Variants in LOXHD1 observed in about 807,000 individuals in gnomAD.
The protein encoded by LOXHD1 is lipoxygenase homology domain-containing protein 1.
LOXHD1 carries 205 observed loss-of-function variants against 248.2 expected under a neutral mutation model. That is an observed-to-expected ratio of 0.83 (90% CI 0.74 to 0.93). LOXHD1 has a LOEUF of 0.93. Among genes scored for constraint, LOXHD1 ranks in the 40% least tolerant of loss-of-function variants. LOXHD1 has a pLI of 0.00. For missense variants in LOXHD1, 2,930 were observed against 2,971.6 expected (o/e 0.99, Z 0.33); for synonymous variants, 1,113 against 1,162.8 (o/e 0.96, Z 0.87).
chr18:46,488,382 C>G, intron 38 of LOXHD1, among the ~76,000 whole-genome samples: 1 of 152,178 alleles, frequency 6.6e-6, no homozygotes, highest in East Asian at 1.9e-4. Context: ...GCTAGTGCTG[C>G]CTTAATAACT....
chr18:46,577,220 TG>T (rs1275571419), intron 14 of LOXHD1, among the ~76,000 whole-genome samples: 7 of 152,068 alleles, frequency 4.6e-5, no homozygotes, highest in African/African-American at 1.7e-4. Context: ...GGAGCCCAAA[TG>T]CTTAAGCAAA....
chr18:46,506,105 C>T lies in LOXHD1; in HGVS notation c.5693-82G>A. 2.7e-6 allele frequency: 4 copies of T among 1,459,952 alleles called. No homozygotes were observed. The South Asian group carries it at 5.3e-5, about 19-fold the overall frequency. The allele number at this position is 1,459,952 out of a possible 1,614,324, so 90.4% of individuals were successfully genotyped here. Reference sequence around the variant, plus strand: ...TTGCTCTGGCCTTGATCCCGGACTCCTCAGAGGAGTCAGGGGTACAGGTGG... The same window carrying T: ...TTGCTCTGGCCTTGATCCCGGACTCTTCAGAGGAGTCAGGGGTACAGGTGG... On this transcript the variant is annotated intron_variant, in intron 36 of 40. Transcript: ENST00000642948.
chr18:46,605,319 G>A (rs573433366), intron 6 of LOXHD1, among the ~76,000 whole-genome samples: 1 of 152,238 alleles, frequency 6.6e-6, no homozygotes, highest in African/African-American at 2.4e-5. Flanking sequence ...GAGGTCAGGA[G>A]ATCAAGACCA....
chr18:46,533,258 T>A lies in LOXHD1; in HGVS notation c.4279A>T (p.Ile1427Phe), dbSNP rs17857258. Residue 1427 changes from isoleucine (I) to phenylalanine (F), a missense_variant, in exon 28 of 41, where the codon ATT becomes TTT. Transcript: ENST00000642948. ...ATGTCATATGGAACCAGTTCTCGAA[T>A]GGTCTTTTTGTCATCCTCAGAGGTG... ...LATSEDDKKT[I>F]RELVPYDIFT... is the part of the protein sequence containing the mutation. 1 of 1,551,792 alleles carries A rather than the reference T, an allele frequency of 6.4e-7. No individual in the cohort carries two copies. The highest frequency in any genetic ancestry group is 2.4e-5 in the East Asian group (1 of 40,918).
intron 26 of LOXHD1, among the ~76,000 whole-genome samples, chr18:46,535,886 A>C (rs1445548683): frequency 6.6e-6 from 1 of 152,078 alleles, no homozygotes; most frequent in African/African-American, 2.4e-5. Context: ...CTCAGTTCTA[A>C]CGCCTCAGAG....
intron 2 of LOXHD1, among the ~76,000 whole-genome samples, chr18:46,644,476 G>A (rs960343600): frequency 2.6e-5 from 4 of 152,176 alleles, no homozygotes; most frequent in Admixed American, 2.0e-4. Context: ...ACAGTGCCTC[G>A]AGAGGCCAAG....
intron 29 of LOXHD1, among the ~76,000 whole-genome samples, chr18:46,527,003 G>C (rs565521771): frequency 2.0e-4 from 30 of 152,248 alleles, no homozygotes; most frequent in Non-Finnish European, 3.5e-4. Flanking sequence ...AAGGTCACAT[G>C]GTTAGTAACT....
At chr18:46,557,242 C>A in intron 21 of LOXHD1, 114 bp downstream of exon 21, 6 of 1,261,940 alleles carry the variant, frequency 4.8e-6, no homozygotes, top group Non-Finnish European at 5.6e-6. Flanking sequence ...AGCCCACCCT[C>A]ACCCTCCACC....
Position 46,524,455 on chromosome 18 carries a change from G to T in LOXHD1, c.4876+11C>A. ...CTGGCCCCCGTCCAAAGAGCTCCCT[G>T]GTTGGCTTACTTGGGCCCTCTTGAA... is the stretch of plus-strand genomic sequence containing the variant. On this transcript the variant is annotated intron_variant, in intron 31 of 40. Transcript: ENST00000642948. 1.3e-6 allele frequency: 2 copies of T among 1,545,930 alleles called. No homozygotes were observed. The highest frequency in any genetic ancestry group is 1.8e-6 in the Non-Finnish European group (2 of 1,142,092).
intron 2 of LOXHD1, among the ~76,000 whole-genome samples, chr18:46,643,451 G>C (rs1189265247): frequency 6.6e-6 from 1 of 152,180 alleles, no homozygotes; most frequent in East Asian, 1.9e-4. Flanking sequence ...TTTTCTCCAC[G>C]AAGCACCAGT....
intron 34 of LOXHD1, among the ~76,000 whole-genome samples, chr18:46,517,757 C>A (rs575448851): frequency 6.6e-6 from 1 of 152,072 alleles, no homozygotes; most frequent in African/African-American, 2.4e-5. Context: ...AGCTTCTGTG[C>A]CCCCTTCACC....
At chr18:46,552,841 T>C (rs1482259124) in intron 21 of LOXHD1, among the ~76,000 whole-genome samples, 1 of 152,192 alleles carries the variant, frequency 6.6e-6, no homozygotes, top group African/African-American at 2.4e-5. Context: ...TTCCCACCCC[T>C]TCATGTCCCT....
In LOXHD1 at chr18:46,477,728, TC is replaced by T; in HGVS notation, c.6565del (p.Glu2189SerfsTer2). The T allele has an allele frequency of 1.3e-6, 2 of 1,551,908 alleles. No individual in the cohort carries two copies. The highest frequency in any genetic ancestry group is 1.7e-6 in the Non-Finnish European group (2 of 1,147,046). ...FGANGDTGKR[E>X]LKQKMRNLFE... is the part of the protein sequence containing the mutation. The stretch of plus-strand genomic sequence containing the variant: ...GAGGTTGCGCATTTTCTGCTTCAGC[TC>T]CCGCTTGCCTGTGTCTCCGTTGGCC... On this transcript the variant is annotated frameshift_variant, in exon 41 of 41. Transcript: ENST00000642948. LOFTEE classifies it high-confidence loss of function.
At chr18:46,542,901 T>C in intron 23 of LOXHD1, 46 bp from the exon 24 acceptor site, 1 of 1,551,358 alleles carries the variant, frequency 6.4e-7, no homozygotes, top group Non-Finnish European at 8.7e-7. Flanking sequence ...CCTGAGGCCT[T>C]TCAAGCCTAG....
intron 21 of LOXHD1, among the ~76,000 whole-genome samples, chr18:46,550,140 T>G (rs1271282404): frequency 6.6e-6 from 1 of 152,228 alleles, no homozygotes; most frequent in Non-Finnish European, 1.5e-5. Context: ...GACAACGTAC[T>G]CCCAAATATC....
At chr18:46,599,487 C>T (rs1336656622) in intron 8 of LOXHD1, among the ~76,000 whole-genome samples, 1 of 151,944 alleles carries the variant, frequency 6.6e-6, no homozygotes, top group African/African-American at 2.4e-5. Flanking sequence ...AAAATTAAAA[C>T]AACAATTTTT....
At chr18:46,631,911 A>G (rs1050983386) in intron 4 of LOXHD1, among the ~76,000 whole-genome samples, 9 of 152,194 alleles carry the variant, frequency 5.9e-5, no homozygotes, top group African/African-American at 2.2e-4. Flanking sequence ...TTCCACTTCC[A>G]ACGGGTCCCT....
chr18:46,572,404 A>T (rs2144099646), intron 14 of LOXHD1, among the ~76,000 whole-genome samples: 1 of 152,298 alleles, frequency 6.6e-6, no homozygotes, highest in South Asian at 2.1e-4. Flanking sequence ...AATGGGTAGG[A>T]TGATGTCACA....
intron 4 of LOXHD1, among the ~76,000 whole-genome samples, chr18:46,629,012 A>T (rs2038783747): frequency 6.6e-6 from 1 of 152,146 alleles, no homozygotes; most frequent in Admixed American, 6.5e-5. Context: ...GGGAGATGAA[A>T]TAGGGCAGAA....
Sources: gnomAD v4.1 joint callset for allele counts (sites outside exome capture counted in the v4.1 genomes callset) on GRCh38, gnomAD v4.1.1 for gene constraint, MANE v1.5 for transcripts, NCBI Gene and HGNC (gene_info 2026-07-23, HGNC 2026-07-21) for gene names.